DLG2: variants seen among roughly 807,000 people sequenced by gnomAD.
The protein encoded by DLG2 is disks large homolog 2.
Under a neutral mutation model 132.5 loss-of-function variants are expected in DLG2, and 45 were observed. That is an observed-to-expected ratio of 0.34 (90% CI 0.27 to 0.44). The LOEUF (loss-of-function observed/expected upper bound fraction) is 0.44, where lower values mean the gene tolerates loss of function less well. Among genes scored for constraint, DLG2 ranks in the 20% least tolerant of loss-of-function variants. DLG2 has a pLI of 1.00. For missense variants in DLG2, 1,045 were observed against 1,196.9 expected (o/e 0.87, Z 1.87); for synonymous variants, 424 against 419.6 (o/e 1.01, Z -0.13).
At chr11:84,889,520 T>C (rs533219729) in intron 6 of DLG2, among the ~76,000 whole-genome samples, 1 of 152,124 alleles carries the variant, frequency 6.6e-6, no homozygotes, top group Non-Finnish European at 1.5e-5. Flanking sequence ...GACAACAGTA[T>C]AGACAAGGAA....
intron 6 of DLG2, among the ~76,000 whole-genome samples, chr11:84,630,316 CCA>C (rs1229355560): frequency 6.6e-6 from 1 of 152,104 alleles, no homozygotes; most frequent in Non-Finnish European, 1.5e-5. Context: ...GGACATTTCT[CCA>C]CCCCTGTTTT....
chr11:83,476,732 T>G (rs1188286216), intron 22 of DLG2, among the ~76,000 whole-genome samples: 1 of 152,118 alleles, frequency 6.6e-6, no homozygotes, highest in African/African-American at 2.4e-5. Context: ...GATTCAGAAT[T>G]AAGAGGTCTT....
chr11:83,490,037 G>A (rs1565446531), intron 21 of DLG2, among the ~76,000 whole-genome samples: 1 of 151,938 alleles, frequency 6.6e-6, no homozygotes, highest in Non-Finnish European at 1.5e-5. Context: ...AACCCTAACA[G>A]CAAAATGCAC....
At chr11:83,643,217 T>C (rs1403507725) in intron 18 of DLG2, among the ~76,000 whole-genome samples, 2 of 152,208 alleles carry the variant, frequency 1.3e-5, no homozygotes, top group Non-Finnish European at 2.9e-5. Flanking sequence ...TCTCTGAGAT[T>C]TATCTCAAAA....
chr11:83,904,273 A>AT (rs925967283), intron 15 of DLG2, among the ~76,000 whole-genome samples: 49 of 152,242 alleles, frequency 3.2e-4, no homozygotes, highest in African/African-American at 1.1e-3. Context: ...TATTTCTGAA[A>AT]TTTTCCATTT....
At chr11:84,767,029 T>C (rs1253559169) in intron 6 of DLG2, among the ~76,000 whole-genome samples, 1 of 152,038 alleles carries the variant, frequency 6.6e-6, no homozygotes, top group Non-Finnish European at 1.5e-5. Flanking sequence ...ACCTGGTATG[T>C]TGGATAACAT....
At chr11:84,042,659 G>C (rs749540143) in intron 11 of DLG2, among the ~76,000 whole-genome samples, 1 of 151,694 alleles carries the variant, frequency 6.6e-6, no homozygotes, top group African/African-American at 2.4e-5. Context: ...GGGTGTGCAG[G>C]TTTGTTACAT....
intron 5 of DLG2, among the ~76,000 whole-genome samples, chr11:85,130,807 CAGTAAAGT>C (rs2075641362): frequency 6.6e-6 from 1 of 152,182 alleles, no homozygotes; most frequent in Admixed American, 6.5e-5. Flanking sequence ...TGGGGAAAAA[CAGTAAAGT>C]ATCAACAGTG....
At chr11:84,857,685 T>TC in intron 6 of DLG2, among the ~76,000 whole-genome samples, 1 of 152,194 alleles carries the variant, frequency 6.6e-6, no homozygotes, top group Non-Finnish European at 1.5e-5. Context: ...TTGCTATGTC[T>TC]CCCCATCTAA....
intron 6 of DLG2, among the ~76,000 whole-genome samples, chr11:84,957,510 C>T (rs1325672769): frequency 3.3e-5 from 5 of 152,160 alleles, no homozygotes; most frequent in African/African-American, 1.2e-4. Flanking sequence ...TTCTCTCTGC[C>T]TAGAAGGCAG....
At chr11:85,048,946 A>C (rs2062623630) in intron 6 of DLG2, among the ~76,000 whole-genome samples, 1 of 152,074 alleles carries the variant, frequency 6.6e-6, no homozygotes, top group Non-Finnish European at 1.5e-5. Context: ...TAGCCAGCAA[A>C]GTTAAATAAA....
Position 84,546,380 on chromosome 11 carries a change from C to T in DLG2, c.358-11649G>A, listed in dbSNP as rs1190642788. On this transcript the variant is annotated intron_variant, in intron 6 of 27. Coordinates refer to ENST00000376104, the MANE Select transcript of DLG2 (RefSeq NM_001142699.3). ...GTTTCCTGAGGCCTCCCCGGAAGCC[C>T]AACAGAGGCCAGCATCATGCTTCTG... The T allele has an allele frequency of 2.6e-5, 5 of 194,338 alleles. No individual in the cohort carries two copies. In the Admixed American group the frequency reaches 2.6e-4, roughly 10 times the overall value. 12.0% of individuals were successfully genotyped at this position (194,338 alleles called of 1,614,324 possible).
chr11:85,530,478 G>A (rs571403131), intron 3 of DLG2, among the ~76,000 whole-genome samples: 9 of 151,450 alleles, frequency 5.9e-5, no homozygotes, highest in African/African-American at 1.9e-4. Context: ...ATGCCACCAC[G>A]CCCAGCTAAT....
In DLG2 at chr11:83,875,863, C is replaced by T. The variant is rs117491832; in HGVS notation, c.1497-1375G>A. Among the ~76,000 whole-genome samples the T allele has an allele frequency of 1.4e-4, 21 of 152,192 alleles. No homozygotes were observed. In the East Asian group the frequency reaches 2.5e-3, roughly 18 times the overall value. ...GGTGGGAAGAGGTGTTTTCCTGTGA[C>T]ACGTAGATAATATTTGTCTAAGGTT... On this transcript the variant is annotated intron_variant, in intron 15 of 27. Transcript: ENST00000376104.
chr11:83,490,102 A>ATGTT (rs1222431935), intron 21 of DLG2, among the ~76,000 whole-genome samples: 3 of 152,026 alleles, frequency 2.0e-5, no homozygotes, highest in African/African-American at 7.2e-5. Context: ...AGAACCTAGA[A>ATGTT]TGTTTTAGAG....
At position 84,814,818 on chromosome 11, in the gene DLG2, C is replaced by T. The variant is rs140355993; in HGVS notation, c.358-280087G>A. On this transcript the variant is annotated intron_variant, in intron 6 of 27. Coordinates refer to ENST00000376104, the MANE Select transcript of DLG2 (RefSeq NM_001142699.3). ...TTGCTATTCATTACACTCACACTGT[C>T]GTATTATAATAATAACAATATGGAA... Among the ~76,000 whole-genome samples, 436 of 152,150 alleles carry T rather than the reference C, an allele frequency of 2.9e-3. 4 individuals carry two copies. The highest frequency in any genetic ancestry group is 0.01 in the African/African-American group (416 of 41,538).
chr11:85,359,308 A>T (rs961521148), intron 3 of DLG2, among the ~76,000 whole-genome samples: 1 of 152,224 alleles, frequency 6.6e-6, no homozygotes, highest in African/African-American at 2.4e-5. Context: ...TCCACCAAGT[A>T]TAAGAAGATT....
intron 4 of DLG2, among the ~76,000 whole-genome samples, chr11:85,268,360 C>A (rs1479400513): frequency 7.2e-5 from 11 of 152,182 alleles, no homozygotes; most frequent in Non-Finnish European, 1.2e-4. Flanking sequence ...GTCCCCTCCC[C>A]ACTTTGAGTC....
intron 6 of DLG2, among the ~76,000 whole-genome samples, chr11:84,670,040 G>T (rs2099704061): frequency 6.6e-6 from 1 of 152,130 alleles, no homozygotes; most frequent in Non-Finnish European, 1.5e-5. Context: ...AGGCGAATGG[G>T]CATGATGGCA....
Sources: gnomAD v4.1 joint callset for allele counts (sites outside exome capture counted in the v4.1 genomes callset) on GRCh38, gnomAD v4.1.1 for gene constraint, MANE v1.5 for transcripts, NCBI Gene and HGNC (gene_info 2026-07-23, HGNC 2026-07-21) for gene names.